Variants in GPATCH8 observed in about 807,000 individuals in gnomAD.
GPATCH8 encodes the protein G patch domain-containing protein 8.
A neutral mutation model predicts 118.3 loss-of-function variants in GPATCH8; 18 were observed. That is an observed-to-expected ratio of 0.15 (90% CI 0.11 to 0.23). The LOEUF (loss-of-function observed/expected upper bound fraction) is 0.23, where lower values mean the gene tolerates loss of function less well. Among genes scored for constraint, GPATCH8 ranks in the 10% least tolerant of loss-of-function variants. GPATCH8 has a pLI of 1.00. For missense variants in GPATCH8, 1,631 were observed against 1,873.8 expected, an observed-to-expected ratio of 0.87 and a Z score of 2.39; for synonymous variants, 659 against 684.7, an observed-to-expected ratio of 0.96 and a Z score of 0.59.
In GPATCH8 at chr17:44,400,822, G is replaced by T; in HGVS notation, c.1255C>A (p.Gln419Lys). 1 of 1,614,086 alleles carries T rather than the reference G, an allele frequency of 6.2e-7. No individual in the cohort carries two copies. Among genetic ancestry groups the T allele is most frequent in the Non-Finnish European group, 8.5e-7 (1 of 1,179,960 alleles). The change falls in exon 8 of 8, where the codon CAA (glutamine) becomes AAA (lysine). Residue 419 changes from glutamine to lysine, a missense_variant. Gln to Lys is a moderately conservative substitution (Grantham distance 53). This residue lies in a region of GPATCH8 where 405 missense variants were observed against 462.7 expected (regional missense o/e 0.88). Coordinates refer to ENST00000591680, the MANE Select transcript of GPATCH8 (RefSeq NM_001002909.4). ...TGTGTAGTATTATCACCATCCATTT[G>T]TTCACTGGCTCTCATAAAAAGTAGA... ...PFLLFMRASEQMDGDNTTHPK... is the reference protein window; with the variant it reads ...PFLLFMRASEKMDGDNTTHPK...
rs56962134 is a variant in GPATCH8, at chr17:44,453,500, G to GGTGTGTGTGTGTGTGTGTGTGTGT, written c.193+10948_193+10971dup. 1.3e-3 allele frequency among the ~76,000 whole-genome samples: 192 copies of GGTGTGTGTGTGTGTGTGTGTGTGT among 142,748 alleles called. 2 individuals carry two copies. Among genetic ancestry groups the GGTGTGTGTGTGTGTGTGTGTGTGT allele is most frequent in the African/African-American group, 4.8e-3 (179 of 36,918 alleles). 93.6% of individuals were successfully genotyped at this position (142,748 alleles called of 152,430 possible). The stretch of plus-strand genomic sequence containing the variant: ...AGTTGTAGGTAGGTAGGTAGGTAGG[G>GGTGTGTGTGTGTGTGTGTGTGTGT]GTGTGTGTGTGTGTGTGTGTGTGTG... On this transcript the variant is annotated intron_variant, in intron 3 of 7. Transcript: ENST00000591680.
chr17:44,421,218 G>GT (rs1190306939), intron 6 of GPATCH8, among the ~76,000 whole-genome samples: 4 of 151,510 alleles, frequency 2.6e-5, no homozygotes, highest in Non-Finnish European at 5.9e-5. Context: ...GCGCATGCCT[G>GT]TAATTCCAGC....
chr17:44,431,634 C>T lies in GPATCH8; in HGVS notation c.348+3431G>A, dbSNP rs1482810161. On this transcript the variant is annotated intron_variant, in intron 5 of 7. Transcript: ENST00000591680. ...AAAAGTCTGGTAGAGCTATTTGGCT[C>T]TAAGACTATATACAAGTAAAACTTT... Among the ~76,000 whole-genome samples, 4 of 151,636 alleles carry T rather than the reference C, an allele frequency of 2.6e-5. No homozygotes were observed. The East Asian group carries it at 7.7e-4, about 29-fold the overall frequency.
At chr17:44,483,312 A>G (rs1192116534) in intron 1 of GPATCH8, among the ~76,000 whole-genome samples, 2 of 139,030 alleles carry the variant, frequency 1.4e-5, no homozygotes, top group East Asian at 2.3e-4. Context: ...GTGCAGTGGC[A>G]CCATCTCGGC....
rs939863698 is a variant in GPATCH8, at chr17:44,500,761, G to A, written c.45+2565C>T. Among the ~76,000 whole-genome samples, 8 of 152,290 alleles carry A rather than the reference G, an allele frequency of 5.3e-5. No homozygotes were observed. In the East Asian group the frequency reaches 1.2e-3, roughly 22 times the overall value. ...CAACAAGATCTATCCACTGTGTTTG[G>A]AAACCTACTATGACTTGTTTTCAAG... On this transcript the variant is annotated intron_variant, in intron 1 of 7. Coordinates refer to ENST00000591680, the MANE Select transcript of GPATCH8 (RefSeq NM_001002909.4).
chr17:44,472,160 T>C (rs1380823023), intron 2 of GPATCH8, among the ~76,000 whole-genome samples: 6 of 152,206 alleles, frequency 3.9e-5, no homozygotes, highest in Admixed American at 6.5e-5. Flanking sequence ...ATTACTAATA[T>C]ACATTTCTGA....
chr17:44,411,834 T>C (rs973235264), intron 6 of GPATCH8, among the ~76,000 whole-genome samples: 1 of 152,188 alleles, frequency 6.6e-6, no homozygotes, highest in African/African-American at 2.4e-5. Context: ...GGCTCACACC[T>C]GTACTCTCAA....
chr17:44,469,630 T>C (rs1321197453), intron 2 of GPATCH8, among the ~76,000 whole-genome samples: 1 of 152,218 alleles, frequency 6.6e-6, no homozygotes, highest in Non-Finnish European at 1.5e-5. Flanking sequence ...AGTAAGTCTC[T>C]TGAGTGGATT....
chr17:44,500,453 T>C (rs908384390), intron 1 of GPATCH8, among the ~76,000 whole-genome samples: 3 of 152,196 alleles, frequency 2.0e-5, no homozygotes, highest in African/African-American at 7.2e-5. Flanking sequence ...TCTATATACA[T>C]GAGTGCTTCA....
intron 2 of GPATCH8, among the ~76,000 whole-genome samples, chr17:44,470,003 G>A (rs1258856233): frequency 6.6e-6 from 1 of 152,140 alleles, no homozygotes; most frequent in African/African-American, 2.4e-5. Context: ...ATCAGCAACT[G>A]GAGTTTGAAG....
chr17:44,458,974 G>A (rs185536935), intron 3 of GPATCH8, among the ~76,000 whole-genome samples: 1 of 152,180 alleles, frequency 6.6e-6, no homozygotes, highest in South Asian at 2.1e-4. Flanking sequence ...TCATTCACCT[G>A]GAATCTATGT....
intron 7 of GPATCH8, among the ~76,000 whole-genome samples, chr17:44,405,477 G>A (rs1344671280): frequency 6.6e-6 from 1 of 151,542 alleles, no homozygotes; most frequent in Non-Finnish European, 1.5e-5. Flanking sequence ...CAAAGTGCTG[G>A]GATTATAGGC....
At chr17:44,471,969 G>A (rs1261146352) in intron 2 of GPATCH8, among the ~76,000 whole-genome samples, 2 of 148,902 alleles carry the variant, frequency 1.3e-5, no homozygotes, top group Non-Finnish European at 3.0e-5. Context: ...TATCTTGTGT[G>A]TCAATACTTC....
intron 3 of GPATCH8, among the ~76,000 whole-genome samples, chr17:44,439,026 C>T (rs536685794): frequency 4.6e-5 from 7 of 152,174 alleles, no homozygotes; most frequent in African/African-American, 1.7e-4. Flanking sequence ...TATTCATTCT[C>T]GTAAATCAGT....
intron 1 of GPATCH8, among the ~76,000 whole-genome samples, chr17:44,498,412 T>A (rs1184164752): frequency 1.3e-5 from 2 of 152,214 alleles, no homozygotes; most frequent in African/African-American, 2.4e-5. Flanking sequence ...TAATTACAAC[T>A]TAAGTCTCTC....
chr17:44,424,803 G>A (rs565497387), intron 5 of GPATCH8, among the ~76,000 whole-genome samples: 1 of 152,276 alleles, frequency 6.6e-6, no homozygotes, highest in East Asian at 1.9e-4. Flanking sequence ...CAAGCATTTT[G>A]GATAAGGGAT....
intron 6 of GPATCH8, among the ~76,000 whole-genome samples, chr17:44,419,801 T>C (rs1205503097): frequency 1.3e-5 from 2 of 152,116 alleles, no homozygotes; most frequent in Non-Finnish European, 1.5e-5. Context: ...GCTGGGATTA[T>C]AGGCATGAGC....
Position 44,399,097 on chromosome 17 carries a change from G to A in GPATCH8, c.2980C>T (p.Arg994Cys), listed in dbSNP as rs774573951. The change falls in exon 8 of 8, where the codon CGC becomes TGC. Residue 994 changes from arginine (R) to cysteine (C), a missense_variant. By Grantham distance (180) the Arg-to-Cys change is radical. Coordinates refer to ENST00000591680, the MANE Select transcript of GPATCH8 (RefSeq NM_001002909.4). ...CTCTGGGAAGGGCTCCTGGTGCTGCGGCTGCGGTCCCGGCTATAGCTCCGG... is the reference window on the plus strand; with the variant it reads ...CTCTGGGAAGGGCTCCTGGTGCTGCAGCTGCGGTCCCGGCTATAGCTCCGG... The part of the protein sequence containing the change: ...RSRSYSRDRS[R>C]STRSPSQRSG... The A allele has an allele frequency of 1.4e-5, 23 of 1,613,690 alleles. No individual in the cohort carries two copies. Among genetic ancestry groups the A allele is most frequent in the Middle Eastern group, 3.3e-4 (2 of 6,084 alleles).
At chr17:44,420,923 C>T (rs1291712027) in intron 6 of GPATCH8, among the ~76,000 whole-genome samples, 1 of 151,300 alleles carries the variant, frequency 6.6e-6, no homozygotes, top group African/African-American at 2.4e-5. Context: ...GCAGTGGTGC[C>T]ATCTTGGCTC....
Sources: gnomAD v4.1 joint callset for allele counts (sites outside exome capture counted in the v4.1 genomes callset) on GRCh38, gnomAD v4.1.1 for gene constraint, gnomAD v4.1.1 regional missense constraint, MANE v1.5 for transcripts, NCBI Gene and HGNC (gene_info 2026-07-23, HGNC 2026-07-21) for gene names.